Variants in ARHGEF10L observed in about 807,000 individuals in gnomAD.
ARHGEF10L encodes rho guanine nucleotide exchange factor 10-like protein.
In ARHGEF10L, 69 loss-of-function variants were observed where a neutral mutation model predicts 141.2. The ratio of observed to expected loss-of-function variants is 0.49; its 90% CI spans 0.40 to 0.60. The LOEUF (loss-of-function observed/expected upper bound fraction) is 0.60, where lower values mean the gene tolerates loss of function less well. Ranked by LOEUF, ARHGEF10L falls within the 20% of genes least tolerant of loss-of-function variation. ARHGEF10L has a pLI of 0.00. For missense variants in ARHGEF10L, 1,482 were observed against 1,734.3 expected (o/e 0.85, Z 2.58); for synonymous variants, 711 against 718.5 (o/e 0.99, Z 0.17).
rs923282992 is a variant in ARHGEF10L at position 17,558,089 on chromosome 1, TCTGTCTAC to T, written c.-44+18141_-44+18148del. 1.3e-5 allele frequency among the ~76,000 whole-genome samples: 2 copies of T among 151,776 alleles called. No homozygotes were observed. The highest frequency in any genetic ancestry group is 2.4e-5 in the African/African-American group (1 of 41,158). On this transcript the variant is annotated intron_variant, in intron 1 of 28. Transcript: ENST00000361221. This position sits in a 1 kb window ranked among gnomAD's most constrained non-coding sequence, Gnocchi z 4.2. ...GTGCATCCATCTGTCCATCTGTCCA[TCTGTCTAC>T]CCGTTTGTCCATTGTCCATCCATCC... is the stretch of plus-strand genomic sequence containing the variant.
upstream of ARHGEF10L, among the ~76,000 whole-genome samples, chr1:17,536,497 G>A (rs551330921): frequency 1.3e-5 from 2 of 152,114 alleles, no homozygotes; most frequent in Non-Finnish European, 2.9e-5. Flanking sequence ...AAACAAGAAT[G>A]TGCTTCTGGG....
chr1:17,550,782 G>C (rs948234437), intron 1 of ARHGEF10L, among the ~76,000 whole-genome samples: 4 of 152,116 alleles, frequency 2.6e-5, no homozygotes, highest in African/African-American at 9.7e-5. Context: ...CAATTCAGAG[G>C]AGAGATCCCT....
Position 17,654,496 on chromosome 1 carries a change from G to C in ARHGEF10L, c.2395-140G>C. The C allele has an allele frequency of 5.2e-6, 4 of 769,836 alleles. No individual in the cohort carries two copies. The highest frequency in any genetic ancestry group is 1.7e-5 in the Admixed American group (1 of 57,490). The allele number at this position is 769,836 out of a possible 1,614,324, so 47.7% of individuals were successfully genotyped here. ...GAACTGCCTGGAGAAGCAGGCACTC[G>C]TGAAGCATGTTGCTTTCCTGGCCCC... is the stretch of plus-strand genomic sequence containing the variant. On this transcript the variant is annotated intron_variant, in intron 22 of 28. Transcript: ENST00000361221. The surrounding 1 kb of genome is among the most constrained non-coding windows in gnomAD (Gnocchi z 4.3).
In ARHGEF10L at chr1:17,687,496, G is replaced by GC. The variant is rs145488368; in HGVS notation, c.3010-74dup. 615 of 1,521,136 alleles carry GC rather than the reference G, an allele frequency of 4.0e-4. 2 individuals are homozygous for GC. The African/African-American group carries it at 7.4e-3, about 18-fold the overall frequency. The allele number at this position is 1,521,136 out of a possible 1,614,324, so 94.2% of individuals were successfully genotyped here. A position where few individuals can be genotyped will look rare whatever the true frequency, so the allele number is the denominator to read the frequency against. On this transcript the variant is annotated intron_variant, in intron 26 of 28. Transcript: ENST00000361221. ...CTTTTGAAGAATGTGAGAATGGCTG[G>GC]CCCAGGGGTGGGGGCTTGTAGGGAG... is the stretch of plus-strand genomic sequence containing the variant.
rs744824 is a variant in ARHGEF10L, at chr1:17,602,435, C to T, written c.349+217C>T. Among the ~76,000 whole-genome samples, 468 of 152,314 alleles carry T rather than the reference C, an allele frequency of 3.1e-3. 5 individuals carry two copies. The highest frequency in any genetic ancestry group is 0.01 in the African/African-American group (430 of 41,574). On this transcript the variant is annotated intron_variant, in intron 5 of 28. Coordinates refer to ENST00000361221, the MANE Select transcript of ARHGEF10L (RefSeq NM_018125.4). The stretch of plus-strand genomic sequence containing the variant: ...TTTTCATCTGCTCCTCAAATACTTA[C>T]GAAGTTCCCACAACAGGCCAGGGCG...
intron 4 of ARHGEF10L, among the ~76,000 whole-genome samples, chr1:17,593,043 A>G (rs543876642): frequency 3.9e-5 from 6 of 152,206 alleles, no homozygotes; most frequent in Admixed American, 3.3e-4. Flanking sequence ...CAGAGCCAGG[A>G]CCTTTGGATC....
chr1:17,664,676 G>A (rs910216350), intron 26 of ARHGEF10L, 81 bp downstream of exon 26: 21 of 1,397,000 alleles, frequency 1.5e-5, no homozygotes, highest in Admixed American at 6.0e-5. Context: ...CCCCGGCACC[G>A]CTTTCAGCTC....
intron 25 of ARHGEF10L, among the ~76,000 whole-genome samples, chr1:17,660,632 G>A (rs999529801): frequency 7.0e-4 from 106 of 152,324 alleles, no homozygotes; most frequent in African/African-American, 2.5e-3. Context: ...CTCGACCCCT[G>A]AGGGAGACCC....
chr1:17,587,667 C>G (rs564644336), intron 3 of ARHGEF10L, 22 bp downstream of exon 3: 1 of 1,594,560 alleles, frequency 6.3e-7, no homozygotes, highest in South Asian at 1.1e-5. Flanking sequence ...CTGGGAACTT[C>G]CGGTCCTGGG....
At chr1:17,579,012 GACTA>G (rs2078348987) in intron 1 of ARHGEF10L, among the ~76,000 whole-genome samples, 1 of 151,954 alleles carries the variant, frequency 6.6e-6, no homozygotes, top group African/African-American at 2.4e-5. Flanking sequence ...GTGGGAGGTT[GACTA>G]ACTTTTTTTT....
chr1:17,549,340 TGGTG>T (rs1315445882), intron 1 of ARHGEF10L, among the ~76,000 whole-genome samples: 1 of 152,050 alleles, frequency 6.6e-6, no homozygotes, highest in Non-Finnish European at 1.5e-5. Context: ...TCTTATATGA[TGGTG>T]GAGGAGACAA....
At chr1:17,663,234 C>T (rs545006699) in intron 25 of ARHGEF10L, among the ~76,000 whole-genome samples, 6 of 152,232 alleles carry the variant, frequency 3.9e-5, no homozygotes, top group South Asian at 2.1e-4. Context: ...CAGGGATGGC[C>T]GACTGGGGAT....
At chr1:17,672,606 C>T (rs1231615794) in intron 26 of ARHGEF10L, among the ~76,000 whole-genome samples, 3 of 152,034 alleles carry the variant, frequency 2.0e-5, no homozygotes, top group Non-Finnish European at 4.4e-5. Context: ...GTGGTTGTCA[C>T]CCTGTTATGT....
chr1:17,650,990 T>A (rs943799430), intron 22 of ARHGEF10L, among the ~76,000 whole-genome samples: 1 of 152,216 alleles, frequency 6.6e-6, no homozygotes, highest in African/African-American at 2.4e-5. Context: ...TTTTTGTCTC[T>A]TGATACATAA....
intron 4 of ARHGEF10L, among the ~76,000 whole-genome samples, chr1:17,598,468 T>C (rs532775407): frequency 1.9e-4 from 29 of 152,332 alleles, no homozygotes; most frequent in Non-Finnish European, 3.8e-4. Flanking sequence ...GCAGATTCAG[T>C]GTCTGATGAG....
chr1:17,544,101 T>C (rs9435786), intron 1 of ARHGEF10L, among the ~76,000 whole-genome samples: 12,114 of 151,072 alleles, frequency 0.08, 551 homozygotes, highest in African/African-American at 0.11. Flanking sequence ...TACAGGTGCC[T>C]GCCACCACAC....
At chr1:17,546,584 G>T (rs376294329) in intron 1 of ARHGEF10L, among the ~76,000 whole-genome samples, 2 of 152,132 alleles carry the variant, frequency 1.3e-5, no homozygotes, top group African/African-American at 4.8e-5. Context: ...CTGCAGTCCC[G>T]TGCTCCCCTC....
the ARHGEF10L span, among the ~76,000 whole-genome samples, chr1:17,521,492 T>C: frequency 6.6e-6 from 1 of 152,208 alleles, no homozygotes; most frequent in Non-Finnish European, 1.5e-5. Flanking sequence ...CTCGATGTTT[T>C]TGGAGGCAGC....
chr1:17,667,868 AGCCCTTGCCTGTGT>A (rs1368117877), intron 26 of ARHGEF10L, among the ~76,000 whole-genome samples: 1 of 152,166 alleles, frequency 6.6e-6, no homozygotes, highest in African/African-American at 2.4e-5. Flanking sequence ...TGAAGACAGC[AGCCCTTGCCTGTGT>A]CCCGGCCACT....
Sources: allele counts gnomAD v4.1 joint callset (sites outside exome capture counted in the v4.1 genomes callset), GRCh38; gene constraint gnomAD v4.1.1; non-coding constraint Gnocchi (gnomAD v3.1); transcripts MANE v1.5; gene names NCBI Gene and HGNC (gene_info 2026-07-23, HGNC 2026-07-21).